Variants in CASD1 observed in about 807,000 individuals in gnomAD.
CASD1 encodes N-acetylneuraminate (7)9-O-acetyltransferase.
A neutral mutation model predicts 100.0 loss-of-function variants in CASD1; 41 were observed. The observed-to-expected ratio is 0.41, with a 90% CI of 0.32 to 0.53. The LOEUF (loss-of-function observed/expected upper bound fraction) is 0.53, where lower values mean the gene tolerates loss of function less well. CASD1 is among the 20% of genes least tolerant of loss of function. The pLI is 0.25. For missense variants in CASD1, 774 were observed against 948.7 expected, an observed-to-expected ratio of 0.82 and a Z score of 2.42; for synonymous variants, 321 against 315.6, an observed-to-expected ratio of 1.02 and a Z score of -0.18.
the CASD1 span, among the ~76,000 whole-genome samples, chr7:94,566,197 A>C: frequency 6.6e-6 from 1 of 152,214 alleles, no homozygotes; most frequent in East Asian, 1.9e-4. Context: ...ATTTACAATT[A>C]AATTCATGGG....
chr7:94,619,114 G>A, the CASD1 span: 3 of 642,398 alleles, frequency 4.7e-6, no homozygotes, highest in Non-Finnish European at 8.3e-6. Flanking sequence ...AACAGAGGAT[G>A]TATCTAAAAA....
At chr7:94,592,908 T>C in the CASD1 span, among the ~76,000 whole-genome samples, 1 of 152,142 alleles carries the variant, frequency 6.6e-6, no homozygotes, top group Non-Finnish European at 1.5e-5. Flanking sequence ...TTTCAGTTAG[T>C]ATGGTGACAT....
chr7:94,539,256 A>G (rs914804473), intron 10 of CASD1, among the ~76,000 whole-genome samples, 200 bp downstream of exon 10: 19 of 152,198 alleles, frequency 1.2e-4, no homozygotes, highest in African/African-American at 3.6e-4. Context: ...TTTAAAAAAG[A>G]TAAGGCAATA....
chr7:94,530,739 T>C (rs13227924), intron 5 of CASD1, among the ~76,000 whole-genome samples: 12,001 of 152,040 alleles, frequency 0.079, 713 homozygotes, highest in East Asian at 0.23. Context: ...TTTGAAGTTA[T>C]TTGAATGGAA....
chr7:94,614,695 G>C, the CASD1 span, among the ~76,000 whole-genome samples: 4 of 152,188 alleles, frequency 2.6e-5, no homozygotes, highest in Admixed American at 2.6e-4. Flanking sequence ...AGTGAGAGAG[G>C]AGCCCTCTCT....
the CASD1 span, chr7:94,620,483 G>A: frequency 6.6e-6 from 1 of 152,094 alleles, no homozygotes; most frequent in East Asian, 1.9e-4. Flanking sequence ...GTTTTATACA[G>A]ATAAATAGCT....
the CASD1 span, among the ~76,000 whole-genome samples, chr7:94,607,436 T>C: frequency 9.2e-5 from 14 of 152,288 alleles, no homozygotes; most frequent in Admixed American, 2.6e-4. Flanking sequence ...TTCAACAATG[T>C]ATAAAAGGAA....
chr7:94,514,137 A>G (rs1254198209), intron 1 of CASD1, among the ~76,000 whole-genome samples: 3 of 151,730 alleles, frequency 2.0e-5, no homozygotes, highest in Non-Finnish European at 2.9e-5. Context: ...TTTTTTTTTC[A>G]CTAAGCATAT....
At position 94,555,686 on chromosome 7, in the gene CASD1, G is replaced by A. The variant is rs1274260644; in HGVS notation, c.2322G>A (p.Arg774=). 6.2e-7 allele frequency: 1 copy of A among 1,613,166 alleles called. No individual in the cohort carries two copies. The highest frequency in any genetic ancestry group is 1.3e-5 in the African/African-American group (1 of 74,848). ...IPKDNSSLLK[R]LACIAAFFCG... ...AAGATAACTCATCTCTCTTGAAAAG[G>A]TTGGCATGTATAGCTGCATTTTTTT... Residue 774 remains arginine, a synonymous_variant, in exon 18 of 18, where the codon AGG becomes AGA. Coordinates refer to ENST00000297273, the MANE Select transcript of CASD1 (RefSeq NM_022900.5).
chr7:94,570,525 C>T, the CASD1 span, among the ~76,000 whole-genome samples: 3 of 151,906 alleles, frequency 2.0e-5, no homozygotes, highest in Non-Finnish European at 4.4e-5. Flanking sequence ...GATGGAGTCT[C>T]CCTCTGTCAC....
chr7:94,523,466 C>T (rs1275401941), intron 3 of CASD1, among the ~76,000 whole-genome samples: 2 of 152,040 alleles, frequency 1.3e-5, no homozygotes, highest in Non-Finnish European at 2.9e-5. Context: ...ATGGTAACGG[C>T]AACAGCTATA....
chr7:94,532,704 T>C (rs527852600), intron 5 of CASD1, among the ~76,000 whole-genome samples: 4 of 152,342 alleles, frequency 2.6e-5, no homozygotes, highest in East Asian at 3.9e-4. Flanking sequence ...TCTCTACTTA[T>C]ATTTTTCCAC....
At chr7:94,623,883 C>A in the CASD1 span, 1 of 356,814 alleles carries the variant, frequency 2.8e-6, no homozygotes, top group Non-Finnish European at 5.0e-6. Flanking sequence ...ATAAATAACC[C>A]TTTGGAAATC....
At chr7:94,611,120 T>C in the CASD1 span, among the ~76,000 whole-genome samples, 1 of 152,204 alleles carries the variant, frequency 6.6e-6, no homozygotes, top group Non-Finnish European at 1.5e-5. Flanking sequence ...AGAGTTACCA[T>C]ATGACCCAGC....
the CASD1 span, among the ~76,000 whole-genome samples, chr7:94,583,444 A>G: frequency 6.6e-6 from 1 of 151,958 alleles, no homozygotes; most frequent in South Asian, 2.1e-4. Context: ...GTCAATGTTT[A>G]AAAGAATCAT....
At chr7:94,608,926 C>A in the CASD1 span, among the ~76,000 whole-genome samples, 8 of 152,096 alleles carry the variant, frequency 5.3e-5, no homozygotes, top group Admixed American at 5.2e-4. Context: ...CAAAATGCAT[C>A]ACAGGTCTAC....
chr7:94,551,026 G>A (rs1355416243), intron 14 of CASD1, among the ~76,000 whole-genome samples: 2 of 152,014 alleles, frequency 1.3e-5, no homozygotes, highest in African/African-American at 4.8e-5. Flanking sequence ...TTTATCATAT[G>A]TCTGTAGGAG....
chr7:94,527,304 T>G (rs1794623925), intron 4 of CASD1, 98 bp downstream of exon 4: 2 of 877,640 alleles, frequency 2.3e-6, no homozygotes, highest in South Asian at 3.3e-5. Flanking sequence ...TTCTTGAGAG[T>G]AGATAAGAAT....
At chr7:94,538,640 T>A (rs1795232769) in intron 9 of CASD1, among the ~76,000 whole-genome samples, 1 of 152,150 alleles carries the variant, frequency 6.6e-6, no homozygotes, top group Non-Finnish European at 1.5e-5. Context: ...TTTTTAGATT[T>A]ATAAATACTC....
Sources: gnomAD v4.1 joint callset for allele counts (sites outside exome capture counted in the v4.1 genomes callset) on GRCh38, gnomAD v4.1.1 for gene constraint, MANE v1.5 for transcripts, NCBI Gene and HGNC (gene_info 2026-07-23, HGNC 2026-07-21) for gene names.